Variants in IMMP2L observed in about 807,000 individuals in gnomAD.
IMMP2L encodes mitochondrial inner membrane protease subunit 2.
IMMP2L carries 18 observed loss-of-function variants against 19.3 expected under a neutral mutation model. The ratio of observed to expected loss-of-function variants is 0.93; its 90% CI spans 0.64 to 1.38. IMMP2L has a LOEUF of 1.38. IMMP2L is among the 40% of genes most tolerant of loss of function. The pLI is 0.00. For synonymous variants in IMMP2L, 76 were observed against 73.0 expected, an observed-to-expected ratio of 1.04 and a Z score of -0.21; for missense variants, 233 against 218.2, an observed-to-expected ratio of 1.07 and a Z score of -0.43.
At chr7:111,435,635 T>C (rs758384963) in intron 3 of IMMP2L, among the ~76,000 whole-genome samples, 1 of 151,848 alleles carries the variant, frequency 6.6e-6, no homozygotes, top group Non-Finnish European at 1.5e-5. Flanking sequence ...CTATGTAATA[T>C]ACACATGTAA....
At chr7:111,285,691 A>C (rs1820406624) in intron 3 of IMMP2L, among the ~76,000 whole-genome samples, 1 of 152,158 alleles carries the variant, frequency 6.6e-6, no homozygotes, top group Admixed American at 6.6e-5. Flanking sequence ...CAAGACTTCC[A>C]CAGCATATGA....
chr7:111,158,934 G>A (rs1483708372), intron 3 of IMMP2L, among the ~76,000 whole-genome samples: 1 of 152,088 alleles, frequency 6.6e-6, no homozygotes, highest in Non-Finnish European at 1.5e-5. Context: ...ATTAAATGGA[G>A]AGTCTTCTCT....
At chr7:110,940,384 A>G (rs1816609384) in intron 4 of IMMP2L, among the ~76,000 whole-genome samples, 1 of 152,144 alleles carries the variant, frequency 6.6e-6, no homozygotes, top group Non-Finnish European at 1.5e-5. Flanking sequence ...ACAATTCCAA[A>G]TATGCATATT....
At chr7:111,389,854 A>G (rs895322190) in intron 3 of IMMP2L, among the ~76,000 whole-genome samples, 1 of 152,168 alleles carries the variant, frequency 6.6e-6, no homozygotes, top group Admixed American at 6.5e-5. Flanking sequence ...CTAGAGGCTA[A>G]TACAGCCTAT....
At chr7:111,170,488 C>G (rs1270878277) in intron 3 of IMMP2L, among the ~76,000 whole-genome samples, 1 of 151,802 alleles carries the variant, frequency 6.6e-6, no homozygotes, top group Non-Finnish European at 1.5e-5. Context: ...GCCCACAATA[C>G]AATAGTTTAG....
intron 5 of IMMP2L, among the ~76,000 whole-genome samples, chr7:110,731,452 A>G (rs1404362653): frequency 6.6e-6 from 1 of 152,140 alleles, no homozygotes; most frequent in East Asian, 1.9e-4. Flanking sequence ...CCCCCATCAT[A>G]ATAATAGTGG....
At chr7:111,460,328 T>A (rs1457469633) in intron 3 of IMMP2L, among the ~76,000 whole-genome samples, 1 of 152,082 alleles carries the variant, frequency 6.6e-6, no homozygotes, top group Non-Finnish European at 1.5e-5. Flanking sequence ...GCTGAACACA[T>A]TGATGTTTAA....
At chr7:111,302,642 C>T (rs1003870367) in intron 3 of IMMP2L, among the ~76,000 whole-genome samples, 1 of 152,032 alleles carries the variant, frequency 6.6e-6, no homozygotes, top group African/African-American at 2.4e-5. Context: ...GGTTACACAT[C>T]TACTAAAAGA....
chr7:111,096,508 T>A (rs200832404), intron 3 of IMMP2L, among the ~76,000 whole-genome samples: 33 of 144,800 alleles, frequency 2.3e-4, no homozygotes, highest in Non-Finnish European at 3.5e-4. Context: ...GAGTTAAATT[T>A]AAAAAAAAAA....
chr7:111,332,305 T>C (rs1169568067), intron 3 of IMMP2L, among the ~76,000 whole-genome samples: 9 of 151,900 alleles, frequency 5.9e-5, no homozygotes, highest in Non-Finnish European at 1.2e-4. Context: ...ATAGCGTGCA[T>C]AATATTTATA....
intron 2 of IMMP2L, among the ~76,000 whole-genome samples, chr7:111,496,800 T>A (rs1843634893): frequency 6.6e-6 from 1 of 152,104 alleles, no homozygotes; most frequent in Non-Finnish European, 1.5e-5. Context: ...CCAAGCTACC[T>A]GGACCTCCAG....
At chr7:111,445,846 G>GCTAC (rs1312556071) in intron 3 of IMMP2L, among the ~76,000 whole-genome samples, 2 of 152,296 alleles carry the variant, frequency 1.3e-5, no homozygotes, top group Non-Finnish European at 2.9e-5. Context: ...GCCAGTGGGT[G>GCTAC]CGCGCACCGT....
intron 1 of IMMP2L, among the ~76,000 whole-genome samples, chr7:111,536,308 G>A (rs1292288109): frequency 6.6e-6 from 1 of 151,838 alleles, no homozygotes; most frequent in East Asian, 1.9e-4. Flanking sequence ...GTTTTTTGTT[G>A]TTTTTTGGGG....
intron 3 of IMMP2L, among the ~76,000 whole-genome samples, chr7:111,118,587 C>A (rs115606821): frequency 6.6e-6 from 1 of 151,888 alleles, no homozygotes; most frequent in African/African-American, 2.4e-5. Flanking sequence ...ATGTACCTCA[C>A]CAACCTATCT....
At chr7:111,521,268 A>C (rs759088328) in intron 2 of IMMP2L, 45 bp downstream of exon 2, 18 of 1,571,042 alleles carry the variant, frequency 1.1e-5, no homozygotes, top group Non-Finnish European at 1.6e-5. Context: ...TGCTTGAAAA[A>C]CAATGAAGTA....
chr7:111,550,786 T>C (rs966721469), intron 1 of IMMP2L, among the ~76,000 whole-genome samples: 1 of 152,146 alleles, frequency 6.6e-6, no homozygotes, highest in African/African-American at 2.4e-5. Context: ...TCATAACATC[T>C]GCTCTGCCCA....
chr7:111,351,832 T>C (rs1828195353), intron 3 of IMMP2L, among the ~76,000 whole-genome samples: 1 of 152,172 alleles, frequency 6.6e-6, no homozygotes, highest in African/African-American at 2.4e-5. Flanking sequence ...CCAATGCATA[T>C]CACTTTAAAT....
chr7:110,892,102 C>T (rs962150685), intron 4 of IMMP2L, among the ~76,000 whole-genome samples: 49 of 152,230 alleles, frequency 3.2e-4, no homozygotes, highest in Admixed American at 9.2e-4. Context: ...GTTTCTCAAC[C>T]CATTGTCTCT....
chr7:111,404,226 T>G (rs1833718321), intron 3 of IMMP2L, among the ~76,000 whole-genome samples: 1 of 152,128 alleles, frequency 6.6e-6, no homozygotes, highest in Non-Finnish European at 1.5e-5. Flanking sequence ...TCAGGTTGAG[T>G]GTGCTACAAT....
Sources: gnomAD v4.1 joint callset for allele counts (sites outside exome capture counted in the v4.1 genomes callset) on GRCh38, gnomAD v4.1.1 for gene constraint, MANE v1.5 for transcripts, NCBI Gene and HGNC (gene_info 2026-07-23, HGNC 2026-07-21) for gene names.